MITD1: variants seen among roughly 807,000 people sequenced by gnomAD.
MITD1 encodes the protein MIT domain-containing protein 1.
Under a neutral mutation model 34.9 loss-of-function variants are expected in MITD1, and 24 were observed. The observed-to-expected ratio is 0.69, with a 90% confidence interval of 0.50 to 0.97. MITD1 has a LOEUF of 0.97. MITD1 is among the 50% of genes least tolerant of loss of function. The probability of loss-of-function intolerance (pLI) is 0.00; values close to 1 mark genes in which losing one functional copy is unlikely to be tolerated. For synonymous variants in MITD1, 102 were observed against 101.4 expected (o/e 1.01, Z -0.04); for missense variants, 266 against 294.6 (o/e 0.90, Z 0.71).
chr2:99,177,255 C>T (rs532483194), intron 1 of MITD1, among the ~76,000 whole-genome samples: 65 of 152,258 alleles, frequency 4.3e-4, no homozygotes, highest in South Asian at 2.3e-3. Flanking sequence ...TCAATCATTA[C>T]GCTACAGTTT....
At position 99,181,020 on chromosome 2, in the gene MITD1, G is replaced by T; in HGVS notation, c.-39C>A. 1 of 1,595,950 alleles carries T rather than the reference G, an allele frequency of 6.3e-7. No individual in the cohort carries two copies. On this transcript the variant is annotated 5_prime_UTR_variant, in exon 1 of 7. Coordinates refer to ENST00000289359, the MANE Select transcript of MITD1 (RefSeq NM_138798.3). ...CTCCTCCGCCTCAACCCAGGATGAAGTTGAGCGGGTCTGCTGCGCTTCCGG... is the reference window on the plus strand; with the variant it reads ...CTCCTCCGCCTCAACCCAGGATGAATTTGAGCGGGTCTGCTGCGCTTCCGG...
chr2:99,169,662 T>G, intron 5 of MITD1, 52 bp from the exon 6 acceptor site: 2 of 1,445,030 alleles, frequency 1.4e-6, no homozygotes, highest in Non-Finnish European at 1.9e-6. Context: ...GTCAGACTAT[T>G]AATAAAGCTG....
intron 1 of MITD1, among the ~76,000 whole-genome samples, chr2:99,175,593 C>T (rs1053929727): frequency 4.6e-5 from 7 of 152,162 alleles, no homozygotes; most frequent in Non-Finnish European, 1.0e-4. Context: ...ACTATTTTCT[C>T]TTTTGTAATT....
chr2:99,167,333 G>A (rs910855623), downstream of MITD1, among the ~76,000 whole-genome samples: 4 of 152,142 alleles, frequency 2.6e-5, no homozygotes, highest in African/African-American at 9.6e-5. Flanking sequence ...TTTCTTTTAT[G>A]TCCCTCCATA....
At chr2:99,166,049 C>T (rs534457341), downstream of MITD1, among the ~76,000 whole-genome samples, 3 of 152,220 alleles carry the variant, frequency 2.0e-5, no homozygotes, top group East Asian at 5.8e-4. Context: ...ACTCCAAAAC[C>T]TCTGTGTCTC....
chr2:99,162,424 T>C lies in MITD1; in HGVS notation c.*4-206A>G, dbSNP rs778217082. 25 of 1,614,042 alleles carry C rather than the reference T, an allele frequency of 1.5e-5. No individual in the cohort carries two copies. The South Asian group carries it at 2.7e-4, about 18-fold the overall frequency. Reference sequence around the variant, plus strand: ...GCTACCAAAAGATTTGACCTTTTACTTGATGGACAGTTTAAAATCTCAGGA... The same window carrying C: ...GCTACCAAAAGATTTGACCTTTTACCTGATGGACAGTTTAAAATCTCAGGA... On this transcript the variant is annotated intron_variant, in intron 7 of 7. Transcript: ENST00000422537.
chr2:99,175,138 T>C (rs929347190), intron 1 of MITD1, among the ~76,000 whole-genome samples: 3 of 152,242 alleles, frequency 2.0e-5, no homozygotes, highest in African/African-American at 7.2e-5. Context: ...ATTCTCTTAA[T>C]GTTAACATAT....
chr2:99,174,093 C>T (rs1286741133), intron 1 of MITD1, 77 bp from the exon 2 acceptor site: 1 of 808,994 alleles, frequency 1.2e-6, no homozygotes, highest in Non-Finnish European at 1.9e-6. Context: ...TTCAGTTTCT[C>T]AAGTTTTCTA....
chr2:99,180,554 T>C (rs1315854350), intron 1 of MITD1, among the ~76,000 whole-genome samples: 1 of 152,204 alleles, frequency 6.6e-6, no homozygotes, highest in Non-Finnish European at 1.5e-5. Context: ...CAAACCCAGG[T>C]CCTATCAAAG....
intron 4 of MITD1, 133 bp from the exon 5 acceptor site, chr2:99,170,785 CAAAA>C (rs1479242063): frequency 2.1e-6 from 1 of 467,748 alleles, no homozygotes; most frequent in South Asian, 4.5e-5. Flanking sequence ...TCTATTATCT[CAAAA>C]AAACAACCAA....
chr2:99,171,469 TTGAATA>T, intron 3 of MITD1, 35 bp downstream of exon 3: 1 of 1,595,250 alleles, frequency 6.3e-7, no homozygotes, highest in East Asian at 2.2e-5. Flanking sequence ...ATTTAGTACA[TTGAATA>T]TGATATTTCA....
chr2:99,163,455 GTAGTGGGAC>G (rs2093812122), intron 7 of MITD1, among the ~76,000 whole-genome samples: 1 of 152,058 alleles, frequency 6.6e-6, no homozygotes, highest in African/African-American at 2.4e-5. Context: ...AGCCTCCCGA[GTAGTGGGAC>G]TACAGGGTTT....
At chr2:99,172,748 C>G (rs369929075) in intron 2 of MITD1, 3 of 151,774 alleles carry the variant, frequency 2.0e-5, no homozygotes, top group African/African-American at 7.3e-5. Context: ...CCAGGCTTGG[C>G]GGCGGGTGCC....
downstream of MITD1, among the ~76,000 whole-genome samples, chr2:99,166,798 CT>C (rs1373798778): frequency 6.8e-6 from 1 of 146,690 alleles, no homozygotes; most frequent in Non-Finnish European, 1.5e-5. Context: ...ATGACCAAGT[CT>C]TTTGCTCTTA....
chr2:99,167,282 T>C (rs936298321), downstream of MITD1, among the ~76,000 whole-genome samples: 1 of 152,202 alleles, frequency 6.6e-6, no homozygotes, highest in Admixed American at 6.5e-5. Flanking sequence ...CATTAAGTCT[T>C]CCCATTCAGG....
At chr2:99,164,475 A>G (rs1008251496), downstream of MITD1, among the ~76,000 whole-genome samples, 1 of 152,196 alleles carries the variant, frequency 6.6e-6, no homozygotes, top group Admixed American at 6.5e-5. Flanking sequence ...GCTCAACACC[A>G]TGCCCAGCTC....
At position 99,169,302 on chromosome 2, in the gene MITD1, T is replaced by C; in HGVS notation, c.*73A>G. 1.4e-6 allele frequency: 1 copy of C among 721,438 alleles called. No individual in the cohort carries two copies. Among genetic ancestry groups the C allele is most frequent in the Non-Finnish European group, 2.3e-6 (1 of 428,610 alleles). The allele number at this position is 721,438 out of a possible 1,614,324, so 44.7% of individuals were successfully genotyped here. The stretch of plus-strand genomic sequence containing the variant: ...AAAGTTTATTGTTAAATTCATACAT[T>C]ATAAAAGTGATCTTTTAAAAAAAAT... On this transcript the variant is annotated 3_prime_UTR_variant, in exon 7 of 7. Coordinates refer to ENST00000289359, the MANE Select transcript of MITD1 (RefSeq NM_138798.3).
At chr2:99,178,125 A>C (rs1009843606) in intron 1 of MITD1, among the ~76,000 whole-genome samples, 6 of 152,180 alleles carry the variant, frequency 3.9e-5, no homozygotes, top group African/African-American at 1.4e-4. Flanking sequence ...CTTAGCTATT[A>C]TGAATAGTGC....
At chr2:99,174,746 A>ATG (rs1233823767) in intron 1 of MITD1, among the ~76,000 whole-genome samples, 3 of 152,040 alleles carry the variant, frequency 2.0e-5, no homozygotes, top group Non-Finnish European at 4.4e-5. Flanking sequence ...GCCCACCACT[A>ATG]TGCCTGGCTA....
Sources: gnomAD v4.1 joint callset for allele counts (sites outside exome capture counted in the v4.1 genomes callset) on GRCh38, gnomAD v4.1.1 for gene constraint, MANE v1.5 for transcripts, NCBI Gene and HGNC (gene_info 2026-07-23, HGNC 2026-07-21) for gene names.